The following COL17A1 variants were observed in gnomAD, a reference collection of about 807,000 sequenced individuals.
COL17A1 encodes collagen alpha-1(XVII) chain.
A neutral mutation model predicts 218.4 loss-of-function variants in COL17A1; 181 were observed. The ratio of observed to expected loss-of-function variants is 0.83; its 90% confidence interval spans 0.73 to 0.94. COL17A1 has a LOEUF of 0.94. Ranked by LOEUF, COL17A1 falls within the 40% of genes least tolerant of loss-of-function variation. The probability of loss-of-function intolerance (pLI) is 0.00; values close to 1 mark genes in which losing one functional copy is unlikely to be tolerated. For missense variants in COL17A1, 1,924 were observed against 1,945.9 expected (o/e 0.99, Z 0.21); for synonymous variants, 721 against 731.0 (o/e 0.99, Z 0.22).
chr10:104,073,770 C>T (rs557714954), intron 6 of COL17A1, among the ~76,000 whole-genome samples: 2 of 152,236 alleles, frequency 1.3e-5, no homozygotes, highest in South Asian at 4.1e-4. Context: ...ATGAAGCACA[C>T]GCAGTTCCCT....
Position 104,032,984 on chromosome 10 carries a change from A to T in COL17A1, c.4295-16T>A. 6.2e-7 allele frequency: 1 copy of T among 1,612,656 alleles called. No individual in the cohort carries two copies. The highest frequency in any genetic ancestry group is 1.6e-4 in the Middle Eastern group (1 of 6,062). On this transcript the variant is annotated splice_polypyrimidine_tract_variant and intron_variant, in intron 53 of 55. Transcript: ENST00000648076. ...GCTCCATAAGCTGCAAAAGCAAGGA[A>T]ACACTGGCCTTAGAGTCTTGATCAC... is the stretch of plus-strand genomic sequence containing the variant.
chr10:104,080,466 A>G (rs997656768), intron 2 of COL17A1, among the ~76,000 whole-genome samples, 156 bp downstream of exon 2: 3 of 152,238 alleles, frequency 2.0e-5, no homozygotes, highest in African/African-American at 7.2e-5. Flanking sequence ...AATCAACAAG[A>G]GCTGTCTTAT....
chr10:104,036,965 G>T, intron 47 of COL17A1, 80 bp downstream of exon 47: 1 of 1,320,532 alleles, frequency 7.6e-7, no homozygotes, highest in Non-Finnish European at 1.1e-6. Context: ...AGGCTCAGAC[G>T]AGGACAAGGT....
At chr10:104,082,846 C>T (rs1475651805) in intron 1 of COL17A1, among the ~76,000 whole-genome samples, 1 of 152,210 alleles carries the variant, frequency 6.6e-6, no homozygotes, top group Admixed American at 6.5e-5. Context: ...TTGACTTCTG[C>T]AGTAAAATGC....
At chr10:104,074,303 G>C in intron 5 of COL17A1, 72 bp from the exon 6 acceptor site, 1 of 1,607,638 alleles carries the variant, frequency 6.2e-7, no homozygotes. Context: ...GGGAGGTAGT[G>C]CCTGTTACTT....
intron 13 of COL17A1, among the ~76,000 whole-genome samples, 176 bp from the exon 14 acceptor site, chr10:104,060,456 C>A (rs1564681190): frequency 1.3e-5 from 2 of 152,124 alleles, no homozygotes; most frequent in Non-Finnish European, 2.9e-5. Context: ...TCTTGGGGAC[C>A]AAGGACACCC....
chr10:104,035,528 C>T lies in COL17A1; in HGVS notation c.3454G>A (p.Gly1152Arg), dbSNP rs762345538. 3.7e-6 allele frequency: 6 copies of T among 1,614,000 alleles called. No homozygotes were observed. The East Asian group carries it at 1.3e-4, about 36-fold the overall frequency. ...GISIGLPGPP[G>R]PPGLPGTSYE... The stretch of plus-strand genomic sequence containing the variant: ...GAGGTTCCCGGCAAGCCAGGGGGCC[C>T]CGGGGGACCAGGAAGCCCAATGCTG... The change falls in exon 49 of 56, where the codon GGG (glycine) becomes AGG (arginine). Residue 1152 changes from glycine to arginine, a missense_variant. By Grantham distance (125) the Gly-to-Arg change is moderately radical. Coordinates refer to ENST00000648076, the MANE Select transcript of COL17A1 (RefSeq NM_000494.4).
At position 104,043,560 on chromosome 10, in the gene COL17A1, A is replaced by G; in HGVS notation, c.2456T>C (p.Val819Ala). 3 of 1,613,922 alleles carry G rather than the reference A, an allele frequency of 1.9e-6. No individual in the cohort carries two copies. Among genetic ancestry groups the G allele is most frequent in the Non-Finnish European group, 2.5e-6 (3 of 1,179,988 alleles). The change falls in exon 35 of 56, where the codon GTC (valine) becomes GCC (alanine). Residue 819 changes from valine to alanine, a missense_variant. Val to Ala is a moderately conservative substitution (Grantham distance 64). Coordinates refer to ENST00000648076, the MANE Select transcript of COL17A1 (RefSeq NM_000494.4). ...TCCAGGAGGTCCTGGGGGGCCTGGG[A>G]CAGTGAGCATCGATGACCCCTCTGA... ...VTSEGSSMLT[V>A]PGPPGPPGAM...
rs1443938568 is a variant in COL17A1, at chr10:104,064,700, G to A, written c.608-104C>T. The A allele has an allele frequency of 3.7e-6, 4 of 1,094,530 alleles. No homozygotes were observed. The African/African-American group carries it at 6.2e-5, about 17-fold the overall frequency. The allele number at this position is 1,094,530 out of a possible 1,614,324, so 67.8% of individuals were successfully genotyped here. On this transcript the variant is annotated intron_variant, in intron 9 of 55. Coordinates refer to ENST00000648076, the MANE Select transcript of COL17A1 (RefSeq NM_000494.4). ...GCTGGGATTTCCTGGTTTGGGCATT[G>A]AAAGCCCCACATTTCAGGAACTTTC... is the stretch of plus-strand genomic sequence containing the variant.
intron 35 of COL17A1, 23 bp downstream of exon 35, chr10:104,043,478 G>A (rs1485303114): frequency 3.7e-6 from 6 of 1,608,176 alleles, no homozygotes; most frequent in Non-Finnish European, 5.1e-6. Context: ...CTGATTTGGG[G>A]CAAAGCAAGA....
intron 25 of COL17A1, among the ~76,000 whole-genome samples, 200 bp from the exon 26 acceptor site, chr10:104,051,101 C>G (rs1313604420): frequency 1.3e-5 from 2 of 152,208 alleles, no homozygotes; most frequent in Non-Finnish European, 2.9e-5. Flanking sequence ...TGCTGATGAA[C>G]AGGCATTAGA....
Position 104,072,068 on chromosome 10 carries a change from G to A in COL17A1, c.427C>T (p.Arg143Ter), listed in dbSNP as rs774098820. The change falls in exon 8 of 56, where the codon CGA becomes TGA. Residue 143 changes from arginine to a stop codon, truncating the protein, a stop_gained. Transcript: ENST00000648076. LOFTEE classifies it high-confidence loss of function. ...GRSQTRESEI[R>*]VRLQSASPST... Reference sequence around the variant, plus strand: ...GGGGACGCACTCTGCAGTCGAACTCGAATTTCACTCTCTGTACAAGGGAAG... The same window carrying A: ...GGGGACGCACTCTGCAGTCGAACTCAAATTTCACTCTCTGTACAAGGGAAG... The A allele has an allele frequency of 6.2e-7, 1 of 1,614,052 alleles. No individual in the cohort carries two copies. The highest frequency in any genetic ancestry group is 1.1e-5 in the South Asian group (1 of 91,066).
intron 9 of COL17A1, among the ~76,000 whole-genome samples, chr10:104,066,480 C>T (rs529306271): frequency 6.6e-6 from 1 of 152,156 alleles, no homozygotes; most frequent in Non-Finnish European, 1.5e-5. Context: ...AGCTTTAATT[C>T]TCTATGTGAA....
Position 104,038,619 on chromosome 10 carries a change from A to G in COL17A1, c.2948-91T>C. 3 of 1,521,650 alleles carry G rather than the reference A, an allele frequency of 2.0e-6. No homozygotes were observed. The South Asian group carries it at 3.4e-5, about 17-fold the overall frequency. 94.3% of individuals were successfully genotyped at this position (1,521,650 alleles called of 1,614,324 possible). ...AATAGCTTCCATGGTCTGAGGAGGG[A>G]GGGTCTTCTCAGGAGGAGAAATAGG... is the stretch of plus-strand genomic sequence containing the variant. On this transcript the variant is annotated intron_variant, in intron 44 of 55. Transcript: ENST00000648076.
Position 104,033,990 on chromosome 10 carries a change from G to T in COL17A1, c.4111C>A (p.Leu1371Met). ...CTCACAGCCAGCTCATTGTAATCCAGATCTCCAGCAAAGTCAGCTCCCAAT... is the reference window on the plus strand; with the variant it reads ...CTCACAGCCAGCTCATTGTAATCCATATCTCCAGCAAAGTCAGCTCCCAAT... ...GLLGADFAGD[L>M]DYNELAVRVS... Residue 1371 changes from leucine (L) to methionine (M), a missense_variant, in exon 52 of 56, where the codon CTG becomes ATG. Leu to Met is a conservative substitution (Grantham distance 15). Coordinates refer to ENST00000648076, the MANE Select transcript of COL17A1 (RefSeq NM_000494.4). The T allele has an allele frequency of 6.2e-7, 1 of 1,614,166 alleles. No homozygotes were observed. The highest frequency in any genetic ancestry group is 1.1e-5 in the South Asian group (1 of 91,086).
At position 104,033,302 on chromosome 10, in the gene COL17A1, G is replaced by C; in HGVS notation, c.4230C>G (p.Pro1410=). ...AGGCAGAGAAGACCTTGCTGATGCC[G>C]GGTGGCCCCTGTGGCCCAGGCTGGC... The part of the protein sequence containing the change: ...PPGQPGPQGP[P]GISKVFSAYS... Residue 1410 remains proline, a synonymous_variant, in exon 53 of 56, where the codon CCC becomes CCG. Transcript: ENST00000648076. 1 of 1,604,320 alleles carries C rather than the reference G, an allele frequency of 6.2e-7. No homozygotes were observed.
chr10:104,036,217 G>GGTGTGTGTGTATGGGAGTGAGTGT (rs2086296805), intron 48 of COL17A1, among the ~76,000 whole-genome samples: 1 of 27,320 alleles, frequency 3.7e-5, no homozygotes, highest in African/African-American at 1.1e-4. Flanking sequence ...TGTGAGTATG[G>GGTGTGTGTGTATGGGAGTGAGTGT]GTGTGTGTGT....
Position 104,037,639 on chromosome 10 carries a change from G to GT in COL17A1, c.3204dup (p.Arg1069ThrfsTer17). 1 of 1,614,180 alleles carries GT rather than the reference G, an allele frequency of 6.2e-7. No homozygotes were observed. Among genetic ancestry groups the GT allele is most frequent in the Non-Finnish European group, 8.5e-7 (1 of 1,180,026 alleles). On this transcript the variant is annotated frameshift_variant, in exon 46 of 56. Transcript: ENST00000648076. LOFTEE classifies it high-confidence loss of function. ...CAGGGCGTGGGGAAGGGCTTACTCC[G>GT]TAAGTAGCTCACAACGTGGCTTGCC...
At chr10:104,059,807 T>C in intron 14 of COL17A1, 89 bp from the exon 15 acceptor site, 1 of 1,371,338 alleles carries the variant, frequency 7.3e-7, no homozygotes, top group East Asian at 2.3e-5. Flanking sequence ...CCCACTACCC[T>C]GCTTGGGAAG....
Sources: allele counts gnomAD v4.1 joint callset (sites outside exome capture counted in the v4.1 genomes callset), GRCh38; gene constraint gnomAD v4.1.1; transcripts MANE v1.5; gene names NCBI Gene and HGNC (gene_info 2026-07-23, HGNC 2026-07-21).